The following ANKDD1A variants were observed in gnomAD, a reference collection of about 807,000 sequenced individuals.
ANKDD1A encodes the protein ankyrin repeat and death domain-containing protein 1A.
In ANKDD1A, 59 loss-of-function variants were observed where a neutral mutation model predicts 63.5. That is an observed-to-expected ratio of 0.93 (90% confidence interval 0.75 to 1.15). The LOEUF (loss-of-function observed/expected upper bound fraction) is 1.15, where lower values mean the gene tolerates loss of function less well. ANKDD1A is among the 50% of genes most tolerant of loss of function. ANKDD1A has a pLI of 0.00. For synonymous variants in ANKDD1A, 266 were observed against 263.9 expected (o/e 1.01, Z -0.08); for missense variants, 632 against 656.4 (o/e 0.96, Z 0.41).
At chr15:64,954,795 AGTT>A (rs1679403288) in intron 14 of ANKDD1A, among the ~76,000 whole-genome samples, 1 of 111,684 alleles carries the variant, frequency 9.0e-6, no homozygotes, top group South Asian at 2.7e-4. Context: ...CCTTCTCCTT[AGTT>A]GTTCTTCTTC....
intron 11 of ANKDD1A, among the ~76,000 whole-genome samples, 157 bp from the exon 12 acceptor site, chr15:64,944,495 C>T (rs2140380330): frequency 6.6e-6 from 1 of 152,286 alleles, no homozygotes; most frequent in South Asian, 2.1e-4. Flanking sequence ...TTTTCCATAT[C>T]CCCTTCATGC....
intron 3 of ANKDD1A, among the ~76,000 whole-genome samples, chr15:64,920,898 G>A (rs753046147): frequency 6.6e-6 from 1 of 152,154 alleles, no homozygotes; most frequent in Non-Finnish European, 1.5e-5. Context: ...TCCAGGATAA[G>A]GTCTTCACCA....
chr15:64,927,878 TACAC>T (rs1036501909), intron 6 of ANKDD1A, among the ~76,000 whole-genome samples: 3 of 152,212 alleles, frequency 2.0e-5, no homozygotes, highest in Non-Finnish European at 4.4e-5. Context: ...GTGCTGGGAT[TACAC>T]GCGTAAGCCA....
At chr15:64,937,339 T>C (rs1202036614) in intron 9 of ANKDD1A, among the ~76,000 whole-genome samples, 3 of 152,250 alleles carry the variant, frequency 2.0e-5, no homozygotes, top group Non-Finnish European at 4.4e-5. Flanking sequence ...TGCAGTATCA[T>C]TTGTAATAGC....
chr15:64,953,168 CTTT>C (rs1743517191), intron 14 of ANKDD1A, among the ~76,000 whole-genome samples: 1 of 85,904 alleles, frequency 1.2e-5, no homozygotes, highest in Non-Finnish European at 2.6e-5. Context: ...TTCTTTCCTT[CTTT>C]TCTTCTTTTT....
chr15:64,932,231 C>G (rs1023912460), intron 8 of ANKDD1A: 3 of 152,206 alleles, frequency 2.0e-5, no homozygotes, highest in African/African-American at 7.2e-5. Flanking sequence ...AGCTCTTGAT[C>G]GTTCACAAAG....
At chr15:64,949,536 T>C (rs1595857204) in intron 13 of ANKDD1A, among the ~76,000 whole-genome samples, 1 of 152,280 alleles carries the variant, frequency 6.6e-6, no homozygotes, top group East Asian at 1.9e-4. Context: ...GTCAATTCTT[T>C]CTCCATTCAG....
chr15:64,949,363 C>CT (rs2085250760), intron 13 of ANKDD1A, among the ~76,000 whole-genome samples: 1 of 152,182 alleles, frequency 6.6e-6, no homozygotes. Context: ...GCAGCTGAGT[C>CT]TGAGAACCAC....
intron 8 of ANKDD1A, chr15:64,931,796 G>A (rs2085093830): frequency 3.3e-6 from 2 of 606,688 alleles, no homozygotes; most frequent in Non-Finnish European, 5.9e-6. Flanking sequence ...ACTATAAAGT[G>A]CAGTGACATT....
At chr15:64,951,540 TTC>T (rs1451626059) in intron 14 of ANKDD1A, 3 of 110,030 alleles carry the variant, frequency 2.7e-5, no homozygotes, top group African/African-American at 1.0e-4. Flanking sequence ...CTCTTCCCTC[TTC>T]TTTCTTCTCT....
At chr15:64,930,975 T>G (rs2085086094) in intron 7 of ANKDD1A, 55 bp downstream of exon 7, 3 of 1,557,182 alleles carry the variant, frequency 1.9e-6, no homozygotes, top group African/African-American at 2.7e-5. Flanking sequence ...CTCTCTGCCT[T>G]CGAGGAACCC....
chr15:64,919,044 T>C (rs371009195), intron 3 of ANKDD1A, among the ~76,000 whole-genome samples: 16 of 152,244 alleles, frequency 1.1e-4, no homozygotes, highest in East Asian at 5.8e-4. Flanking sequence ...TTGCCTGCTG[T>C]AGTAATGGGG....
At chr15:64,917,659 G>T (rs1475145040) in intron 3 of ANKDD1A, 145 bp downstream of exon 3, 3 of 1,253,588 alleles carry the variant, frequency 2.4e-6, no homozygotes, top group Non-Finnish European at 3.2e-6. Flanking sequence ...CAGGCGCAGG[G>T]ACACTGCACT....
At chr15:64,951,396 TC>T (rs138510406) in intron 14 of ANKDD1A, 3,307 of 97,456 alleles carry the variant, frequency 0.034, 58 homozygotes, top group African/African-American at 0.072. Flanking sequence ...TTCTTCTTCC[TC>T]TTTTTTCTTT....
At chr15:64,918,682 G>A (rs1238164464) in intron 3 of ANKDD1A, among the ~76,000 whole-genome samples, 1 of 152,136 alleles carries the variant, frequency 6.6e-6, no homozygotes, top group Non-Finnish European at 1.5e-5. Flanking sequence ...GGCCAGGTGC[G>A]GTGGCTCACA....
At position 64,953,933 on chromosome 15, in the gene ANKDD1A, CT is replaced by C. The variant is rs879501534; in HGVS notation, c.1484-3166del. Among the ~76,000 whole-genome samples the C allele has an allele frequency of 0.022, 269 of 12,408 alleles. 15 individuals are homozygous for C. The South Asian group carries it at 0.3, about 14-fold the overall frequency. The allele number at this position is 12,408 out of a possible 152,430, so 8.1% of individuals were successfully genotyped here. ...CTTCTTTCTTCTCTTTTTCTTTTTT[CT>C]TTTCTTCCTCTTCTTCTATTGTTTC... On this transcript the variant is annotated intron_variant, in intron 14 of 14. Coordinates refer to ENST00000319580, the MANE Select transcript of ANKDD1A (RefSeq NM_182703.6).
At chr15:64,934,028 T>TC in intron 8 of ANKDD1A, 108 bp from the exon 9 acceptor site, 1 of 848,232 alleles carries the variant, frequency 1.2e-6, no homozygotes, top group South Asian at 1.8e-5. Context: ...GGGATAATAC[T>TC]CCCAGGGGTG....
At chr15:64,931,933 G>C in intron 8 of ANKDD1A, 1 of 388,918 alleles carries the variant, frequency 2.6e-6, no homozygotes, top group Non-Finnish European at 4.6e-6. Flanking sequence ...TTACTCTGTC[G>C]CCCAGGCTGA....
chr15:64,939,166 G>A (rs958823163), intron 9 of ANKDD1A, among the ~76,000 whole-genome samples: 1 of 152,030 alleles, frequency 6.6e-6, no homozygotes, highest in Non-Finnish European at 1.5e-5. Context: ...AGGCATGGTA[G>A]CTTGCACCTG....
Sources: allele counts gnomAD v4.1 joint callset (sites outside exome capture counted in the v4.1 genomes callset), GRCh38; gene constraint gnomAD v4.1.1; transcripts MANE v1.5; gene names NCBI Gene and HGNC (gene_info 2026-07-23, HGNC 2026-07-21).